PCDH11Y: variants seen among roughly 807,000 people sequenced by gnomAD.
PCDH11Y encodes protocadherin 11 Y-linked, also known as protocadherin-11 Y-linked.
For synonymous variants in PCDH11Y, 9 were observed against 83.6 expected, an observed-to-expected ratio of 0.11 and a Z score of 4.87; for missense variants, 12 against 224.8, an observed-to-expected ratio of 0.05 and a Z score of 6.05.
At chrY:5,117,367 T>G in intron 2 of PCDH11Y, among the ~76,000 whole-genome samples, 1 of 33,131 alleles carries the variant, frequency 3.0e-5, no homozygotes, top group Non-Finnish European at 7.5e-5. Flanking sequence ...GAGTAAAGTT[T>G]ATTTAACCAC....
At chrY:5,117,229 A>T in intron 2 of PCDH11Y, among the ~76,000 whole-genome samples, 1 of 32,708 alleles carries the variant, frequency 3.1e-5, no homozygotes, top group African/African-American at 1.2e-4. Context: ...ATGTTCCCTT[A>T]TAATACATTT....
At chrY:5,517,564 T>G in intron 3 of PCDH11Y, among the ~76,000 whole-genome samples, 1 of 33,039 alleles carries the variant, frequency 3.0e-5, no homozygotes, top group Non-Finnish European at 7.6e-5. Flanking sequence ...GTCTGTCTAC[T>G]GAGAATGGTG....
chrY:5,443,874 A>C (rs2053284675), intron 2 of PCDH11Y, among the ~76,000 whole-genome samples: 1 of 33,102 alleles, frequency 3.0e-5, no homozygotes. Flanking sequence ...GACAAACTTC[A>C]CATGTTCTCA....
chrY:5,149,157 T>C lies in PCDH11Y; in HGVS notation c.3129+48450T>C, dbSNP rs1602876560. 8.0e-4 allele frequency among the ~76,000 whole-genome samples: 26 copies of C among 32,515 alleles called. No individual in the cohort carries two copies. The East Asian group carries it at 0.012, about 15-fold the overall frequency. The allele number at this position is 32,515 out of a possible 37,273, so 87.2% of individuals were successfully genotyped here. A position where few individuals can be genotyped will look rare whatever the true frequency, so the allele number is the denominator to read the frequency against. On this transcript the variant is annotated intron_variant, in intron 2 of 4. Coordinates refer to the PCDH11Y transcript ENST00000400457. ...AGAATGTTAAAAAGCAGATAGATTG[T>C]TTCCAAATTTCTCAGTGAATAGTTT...
At chrY:5,696,805 A>C (rs2556708) in intron 4 of PCDH11Y, among the ~76,000 whole-genome samples, 1 of 32,997 alleles carries the variant, frequency 3.0e-5, no homozygotes, top group East Asian at 8.1e-4. Context: ...ATTCTGGTAC[A>C]TTATCTTTGT....
intron 4 of PCDH11Y, among the ~76,000 whole-genome samples, chrY:5,712,366 G>C: frequency 3.0e-5 from 1 of 33,423 alleles, no homozygotes; most frequent in Non-Finnish European, 7.4e-5. Context: ...GCTGGGAAGA[G>C]TCAGACATTG....
At chrY:5,341,956 C>CA (rs2053146026) in intron 2 of PCDH11Y, among the ~76,000 whole-genome samples, 21 of 13,842 alleles carry the variant, frequency 1.5e-3, no homozygotes, top group African/African-American at 2.3e-3. Flanking sequence ...AACTCCGTCT[C>CA]AAAAAAAAAA....
chrY:5,382,961 G>C (rs1364539461), intron 2 of PCDH11Y, among the ~76,000 whole-genome samples: 3 of 32,890 alleles, frequency 9.1e-5, no homozygotes, highest in African/African-American at 2.4e-4. Flanking sequence ...CAGCACTTTG[G>C]GGGGCTGAGG....
At chrY:5,243,989 A>G (rs2052992014) in intron 2 of PCDH11Y, among the ~76,000 whole-genome samples, 1 of 32,522 alleles carries the variant, frequency 3.1e-5, no homozygotes, top group Non-Finnish European at 7.5e-5. Flanking sequence ...TCATCACCAC[A>G]TGGCATATAC....
chrY:5,691,792 G>A (rs2053567833), intron 4 of PCDH11Y, among the ~76,000 whole-genome samples: 1 of 32,631 alleles, frequency 3.1e-5, no homozygotes, highest in African/African-American at 1.2e-4. Context: ...CTGGCCAGGC[G>A]CAGTGGCTCA....
chrY:5,729,938 A>G (rs2053602054), intron 4 of PCDH11Y, among the ~76,000 whole-genome samples: 2 of 33,005 alleles, frequency 6.1e-5, no homozygotes, highest in Non-Finnish European at 7.6e-5. Flanking sequence ...GTAGGTGTGC[A>G]ACTTTATTTC....
intron 1 of PCDH11Y, among the ~76,000 whole-genome samples, chrY:5,081,525 G>C: frequency 3.2e-5 from 1 of 31,379 alleles, no homozygotes. Context: ...TTTTCCATTT[G>C]TTTGTGTCCT....
intron 2 of PCDH11Y, among the ~76,000 whole-genome samples, chrY:5,409,568 T>C (rs2053244059): frequency 3.1e-5 from 1 of 32,499 alleles, no homozygotes. Flanking sequence ...GTTATTTATA[T>C]TGGTCATGTC....
intron 4 of PCDH11Y, among the ~76,000 whole-genome samples, chrY:5,708,788 C>G: frequency 1.2e-4 from 4 of 32,997 alleles, no homozygotes; most frequent in African/African-American, 2.4e-4. Flanking sequence ...AATCTACCCC[C>G]CCATCTTACC....
intron 2 of PCDH11Y, among the ~76,000 whole-genome samples, chrY:5,412,347 T>A: frequency 3.0e-5 from 1 of 33,001 alleles, no homozygotes; most frequent in Non-Finnish European, 7.5e-5. Flanking sequence ...CACTATGGAG[T>A]TTTATAGGTA....
intron 3 of PCDH11Y, among the ~76,000 whole-genome samples, chrY:5,565,514 G>A: frequency 3.2e-5 from 1 of 31,322 alleles, no homozygotes; most frequent in African/African-American, 1.3e-4. Flanking sequence ...GAATTCTATT[G>A]TATATTAATA....
intron 2 of PCDH11Y, among the ~76,000 whole-genome samples, chrY:5,365,647 T>C (rs1163412427): frequency 6.0e-5 from 2 of 33,312 alleles, no homozygotes; most frequent in Non-Finnish European, 1.5e-4. Context: ...AGGATTGTTA[T>C]TGATATTATT....
chrY:5,020,414 A>G, intron 1 of PCDH11Y, among the ~76,000 whole-genome samples: 1 of 33,251 alleles, frequency 3.0e-5, no homozygotes. Context: ...ACTGTTTGCT[A>G]TGAACAGTAA....
chrY:5,239,644 G>T, intron 2 of PCDH11Y, among the ~76,000 whole-genome samples: 2 of 33,546 alleles, frequency 6.0e-5, no homozygotes, highest in African/African-American at 1.2e-4. Context: ...ATAAAATAAT[G>T]TGCGTATCTT....
Sources: allele counts gnomAD v4.1 joint callset (sites outside exome capture counted in the v4.1 genomes callset), GRCh38; gene constraint gnomAD v4.1.1; transcripts MANE v1.5; gene names NCBI Gene and HGNC (gene_info 2026-07-23, HGNC 2026-07-21).